Variants in DRC8 observed in about 807,000 individuals in gnomAD.
DRC8 encodes the protein dynein regulatory complex protein 8.
chr1:245,121,960 G>GT, the DRC8 span: 1 of 412,996 alleles, frequency 2.4e-6, no homozygotes, highest in Non-Finnish European at 4.7e-6. Flanking sequence ...GTGCAGTGGC[G>GT]TGATCTTGGC....
At chr1:244,976,578 A>G in the DRC8 span, among the ~76,000 whole-genome samples, 1 of 152,232 alleles carries the variant, frequency 6.6e-6, no homozygotes, top group East Asian at 1.9e-4. Flanking sequence ...GATCAAATGG[A>G]CAGTGAGATA....
At chr1:244,979,008 T>C in the DRC8 span, among the ~76,000 whole-genome samples, 5 of 152,168 alleles carry the variant, frequency 3.3e-5, no homozygotes, top group Non-Finnish European at 7.4e-5. Context: ...GTTGCACATG[T>C]ATGATGATTG....
At chr1:245,013,188 G>A in the DRC8 span, among the ~76,000 whole-genome samples, 1 of 152,046 alleles carries the variant, frequency 6.6e-6, no homozygotes, top group Admixed American at 6.6e-5. Context: ...TCTGTAAATT[G>A]TTGAAGAAAA....
the DRC8 span, among the ~76,000 whole-genome samples, chr1:245,040,186 G>A: frequency 7.9e-5 from 12 of 152,084 alleles, no homozygotes; most frequent in Admixed American, 6.5e-5. Context: ...TTGGGCAGTC[G>A]GCAGCCATTG....
chr1:245,119,020 T>A, the DRC8 span, among the ~76,000 whole-genome samples: 1 of 152,134 alleles, frequency 6.6e-6, no homozygotes, highest in Non-Finnish European at 1.5e-5. Flanking sequence ...GTCTGGTTGC[T>A]GGTGGTATGA....
the DRC8 span, among the ~76,000 whole-genome samples, chr1:245,098,487 G>A: frequency 6.6e-6 from 1 of 152,166 alleles, no homozygotes; most frequent in South Asian, 2.1e-4. Context: ...GGCAAACATA[G>A]TATCAGGGCA....
chr1:245,030,019 G>A, the DRC8 span, among the ~76,000 whole-genome samples: 3 of 152,216 alleles, frequency 2.0e-5, no homozygotes, highest in Non-Finnish European at 2.9e-5. Context: ...GCCTCTGGGT[G>A]TGTACCCTCT....
chr1:245,073,858 G>A, the DRC8 span, among the ~76,000 whole-genome samples: 12 of 152,138 alleles, frequency 7.9e-5, no homozygotes, highest in South Asian at 2.1e-4. Flanking sequence ...CTTTGTGCTC[G>A]TCTCTATTTT....
At chr1:244,974,731 G>A in the DRC8 span, among the ~76,000 whole-genome samples, 1 of 151,748 alleles carries the variant, frequency 6.6e-6, no homozygotes, top group Non-Finnish European at 1.5e-5. Context: ...TGCAACCTCT[G>A]TTGCCTAAGC....
At chr1:244,992,728 A>T in the DRC8 span, among the ~76,000 whole-genome samples, 6 of 152,242 alleles carry the variant, frequency 3.9e-5, no homozygotes, top group African/African-American at 1.4e-4. Flanking sequence ...CAACAGAGTG[A>T]GACTGTGTCT....
the DRC8 span, among the ~76,000 whole-genome samples, chr1:245,065,807 A>G: frequency 3.3e-5 from 5 of 151,576 alleles, no homozygotes; most frequent in Admixed American, 3.3e-4. Flanking sequence ...TAGAGTGTTC[A>G]GTCTTCTGCT....
the DRC8 span, among the ~76,000 whole-genome samples, chr1:245,030,453 A>G: frequency 6.6e-6 from 1 of 152,208 alleles, no homozygotes; most frequent in Non-Finnish European, 1.5e-5. Flanking sequence ...ATGCCATTTA[A>G]TACAAGGAAT....
At chr1:244,985,770 A>C in the DRC8 span, among the ~76,000 whole-genome samples, 1 of 151,392 alleles carries the variant, frequency 6.6e-6, no homozygotes, top group Admixed American at 6.6e-5. Context: ...AGGCGGAGGC[A>C]TGAGAATTGC....
the DRC8 span, chr1:244,970,048 G>C: frequency 1.6e-6 from 1 of 627,540 alleles, no homozygotes; most frequent in Non-Finnish European, 2.8e-6. Flanking sequence ...CGAGGGGTGT[G>C]TGCGCGCGCG....
the DRC8 span, among the ~76,000 whole-genome samples, chr1:245,106,682 A>G: frequency 6.6e-6 from 1 of 152,218 alleles, no homozygotes; most frequent in African/African-American, 2.4e-5. Flanking sequence ...AGTTGGGGAA[A>G]TTTCTGCAGG....
At chr1:245,083,823 G>T in the DRC8 span, 170 of 1,334,920 alleles carry the variant, frequency 1.3e-4, no homozygotes, top group Non-Finnish European at 1.6e-4. Context: ...CTGCTATTTT[G>T]GCTTGGGGAT....
the DRC8 span, among the ~76,000 whole-genome samples, chr1:245,031,067 C>A: frequency 6.6e-6 from 1 of 152,146 alleles, no homozygotes; most frequent in South Asian, 2.1e-4. Flanking sequence ...TTGGCAGAGA[C>A]CTTACTGCTC....
At chr1:244,975,327 T>TTA in the DRC8 span, among the ~76,000 whole-genome samples, 1 of 152,074 alleles carries the variant, frequency 6.6e-6, no homozygotes. Context: ...TAACTGTCGA[T>TTA]AGTATAGAGT....
the DRC8 span, chr1:245,123,858 G>C: frequency 9.1e-3 from 1,397 of 153,090 alleles, 18 homozygotes; most frequent in African/African-American, 0.032. This position sits in a 1 kb window ranked among gnomAD's most constrained non-coding sequence, Gnocchi z 5.0. Context: ...GGCACTCACT[G>C]TGGTTAACCA....
Sources: allele counts gnomAD v4.1 joint callset (sites outside exome capture counted in the v4.1 genomes callset), GRCh38; gene constraint gnomAD v4.1.1; non-coding constraint Gnocchi (gnomAD v3.1); transcripts MANE v1.5; gene names NCBI Gene and HGNC (gene_info 2026-07-23, HGNC 2026-07-21).